The following SEL1L3 variants were observed in gnomAD, a reference collection of about 807,000 sequenced individuals.
The protein encoded by SEL1L3 is SEL1L family member 3.
A neutral mutation model predicts 142.8 loss-of-function variants in SEL1L3; 76 were observed. The observed-to-expected ratio is 0.53, with a 90% CI of 0.44 to 0.64. SEL1L3 has a LOEUF of 0.64. SEL1L3 is among the 30% of genes least tolerant of loss of function. The pLI is 0.00. For missense variants in SEL1L3, 1,262 were observed against 1,381.7 expected, an observed-to-expected ratio of 0.91 and a Z score of 1.37; for synonymous variants, 504 against 519.6, an observed-to-expected ratio of 0.97 and a Z score of 0.41.
chr4:25,808,228 GAAAC>G (rs770563049), intron 9 of SEL1L3, among the ~76,000 whole-genome samples: 1 of 152,086 alleles, frequency 6.6e-6, no homozygotes, highest in African/African-American at 2.4e-5. Context: ...GTTTAATGAA[GAAAC>G]AAACAAACAA....
Position 25,847,953 on chromosome 4 carries a change from A to C in SEL1L3, c.163-89T>G, listed in dbSNP as rs546417166. On this transcript the variant is annotated intron_variant, in intron 1 of 23. Coordinates refer to ENST00000399878, the MANE Select transcript of SEL1L3 (RefSeq NM_015187.5). ...CTTGAATCATTATTTTCCTGGGATA[A>C]AAAAATATCAATCTACATAAAGCAA... 55 of 806,786 alleles carry C rather than the reference A, an allele frequency of 6.8e-5. 1 individual carries two copies. The South Asian group carries it at 1.0e-3, about 15-fold the overall frequency. 50.0% of individuals were successfully genotyped at this position (806,786 alleles called of 1,614,324 possible). A position where few individuals can be genotyped will look rare whatever the true frequency, so the allele number is the denominator to read the frequency against.
intron 11 of SEL1L3, among the ~76,000 whole-genome samples, chr4:25,796,997 A>C (rs1197292298): frequency 6.6e-6 from 1 of 150,954 alleles, no homozygotes; most frequent in Non-Finnish European, 1.5e-5. Flanking sequence ...AAGAGAGAGG[A>C]AGAGAGGAAA....
chr4:25,834,629 AG>A (rs1715671774), intron 3 of SEL1L3, among the ~76,000 whole-genome samples: 1 of 152,218 alleles, frequency 6.6e-6, no homozygotes, highest in East Asian at 1.9e-4. Context: ...ATTACAAGGA[AG>A]CTTAGCAAGA....
the SEL1L3 span, among the ~76,000 whole-genome samples, chr4:25,724,925 A>T: frequency 4.6e-5 from 7 of 151,968 alleles, no homozygotes; most frequent in South Asian, 1.5e-3. Context: ...AGCTCCTGTA[A>T]GCCCTTCCCC....
chr4:25,837,252 G>A (rs1241532137), intron 2 of SEL1L3, among the ~76,000 whole-genome samples: 1 of 149,632 alleles, frequency 6.7e-6, no homozygotes, highest in Non-Finnish European at 1.5e-5. Context: ...ACTATGTTGA[G>A]TGGAGCAGAA....
At chr4:25,848,579 T>A (rs556761257) in intron 1 of SEL1L3, among the ~76,000 whole-genome samples, 1 of 152,376 alleles carries the variant, frequency 6.6e-6, no homozygotes, top group East Asian at 1.9e-4. Context: ...GGTGCTGATA[T>A]GTGAGTGCTA....
rs114834360 is a variant in SEL1L3, at chr4:25,802,115, A to C, written c.1956+168T>G. ...TAGGGCTGCCCCTGCATTCAGCCTG[A>C]GAACACAGCCAGGTAATAGGAAATG... On this transcript the variant is annotated intron_variant, in intron 11 of 23. Transcript: ENST00000399878. 3.3e-3 allele frequency among the ~76,000 whole-genome samples: 499 copies of C among 152,338 alleles called. 4 individuals carry two copies. Among genetic ancestry groups the C allele is most frequent in the African/African-American group, 0.011 (471 of 41,578 alleles).
intron 1 of SEL1L3, among the ~76,000 whole-genome samples, chr4:25,854,341 A>C (rs921859272): frequency 6.6e-6 from 1 of 152,150 alleles, no homozygotes; most frequent in African/African-American, 2.4e-5. Context: ...GCAGTGGCAC[A>C]ATCTCAGCTC....
chr4:25,852,975 T>C (rs1717003548), intron 1 of SEL1L3, among the ~76,000 whole-genome samples: 1 of 152,246 alleles, frequency 6.6e-6, no homozygotes, highest in African/African-American at 2.4e-5. Flanking sequence ...TTTTACATCT[T>C]ACTGCTAAAA....
the SEL1L3 span, among the ~76,000 whole-genome samples, chr4:25,730,667 G>T: frequency 6.6e-6 from 1 of 152,150 alleles, no homozygotes; most frequent in African/African-American, 2.4e-5. Context: ...TTTTGACTTT[G>T]CTTCTGAGCA....
chr4:25,737,966 T>C, the SEL1L3 span, among the ~76,000 whole-genome samples: 2,629 of 152,260 alleles, frequency 0.017, 73 homozygotes, highest in African/African-American at 0.058. Context: ...CTTGGCTGAC[T>C]GTAGCCTCCC....
At chr4:25,737,116 T>C in the SEL1L3 span, among the ~76,000 whole-genome samples, 70,935 of 151,564 alleles carry the variant, frequency 0.47, 17,044 homozygotes, top group East Asian at 0.67. Context: ...TCCCAAGTAG[T>C]TGGGACTACA....
intron 2 of SEL1L3, among the ~76,000 whole-genome samples, chr4:25,844,278 A>G (rs1276296105): frequency 2.6e-5 from 4 of 152,212 alleles, no homozygotes; most frequent in African/African-American, 9.6e-5. Context: ...TTTCCATGGG[A>G]CTGCTGCAGA....
intron 9 of SEL1L3, among the ~76,000 whole-genome samples, chr4:25,812,218 C>G (rs1714080315): frequency 6.6e-6 from 1 of 152,170 alleles, no homozygotes; most frequent in South Asian, 2.1e-4. Context: ...CATACCTCAT[C>G]CACCCACACT....
At chr4:25,854,512 A>T (rs1377221044) in intron 1 of SEL1L3, among the ~76,000 whole-genome samples, 1 of 152,200 alleles carries the variant, frequency 6.6e-6, no homozygotes, top group African/African-American at 2.4e-5. Flanking sequence ...TTCTGACCTC[A>T]GGTGATCCAC....
chr4:25,748,652 G>A (rs1323180895), intron 23 of SEL1L3, 88 bp from the exon 24 acceptor site: 3 of 1,388,616 alleles, frequency 2.2e-6, no homozygotes, highest in African/African-American at 2.9e-5. Context: ...TGGCAAGCCA[G>A]GAGAGATGCA....
chr4:25,818,745 G>C (rs879352554), intron 8 of SEL1L3, among the ~76,000 whole-genome samples: 1 of 152,128 alleles, frequency 6.6e-6, no homozygotes, highest in Non-Finnish European at 1.5e-5. Context: ...TCCTCTTTGG[G>C]TTATTACTAT....
Position 25,756,034 on chromosome 4 carries a change from G to A in SEL1L3, c.3259+1500C>T, listed in dbSNP as rs981723713. ...TGTTAACCTCCTCAGGTAAATCAGA[G>A]AGAAATGATTTCGCATTAGCTTCTT... On this transcript the variant is annotated intron_variant, in intron 23 of 23. Transcript: ENST00000399878. 4 of 985,276 alleles carry A rather than the reference G, an allele frequency of 4.1e-6. No individual in the cohort carries two copies. In the African/African-American group the frequency reaches 7.0e-5, roughly 17 times the overall value. 61.0% of individuals were successfully genotyped at this position (985,276 alleles called of 1,614,324 possible). A position where few individuals can be genotyped will look rare whatever the true frequency, so the allele number is the denominator to read the frequency against.
chr4:25,756,539 A>T, intron 23 of SEL1L3: 1 of 960,180 alleles, frequency 1.0e-6, no homozygotes, highest in Non-Finnish European at 1.2e-6. Context: ...CTACTCTCAT[A>T]ACCTCATTGT....
Sources: gnomAD v4.1 joint callset for allele counts (sites outside exome capture counted in the v4.1 genomes callset) on GRCh38, gnomAD v4.1.1 for gene constraint, MANE v1.5 for transcripts, NCBI Gene and HGNC (gene_info 2026-07-23, HGNC 2026-07-21) for gene names.